MAP3K7CL: variants seen among roughly 807,000 people sequenced by gnomAD.
MAP3K7CL encodes MAP3K7 C-terminal-like protein.
A neutral mutation model predicts 18.6 loss-of-function variants in MAP3K7CL; 16 were observed. The observed-to-expected ratio is 0.86, with a 90% confidence interval of 0.58 to 1.31. The LOEUF is 1.31. MAP3K7CL is among the 50% of genes most tolerant of loss of function. The pLI, the probability that MAP3K7CL is intolerant of heterozygous loss-of-function variation, is 0.00. For missense variants in MAP3K7CL, 163 were observed against 174.4 expected, an observed-to-expected ratio of 0.93 and a Z score of 0.37; for synonymous variants, 65 against 66.8, an observed-to-expected ratio of 0.97 and a Z score of 0.13.
chr21:29,161,350 A>T lies in MAP3K7CL; in HGVS notation c.248+1294A>T, dbSNP rs116086786. ...TTTTTTTTACAGATGGGATCTTGTT[A>T]TCTTGCCCAGGCTTGTCTCAAACTT... On this transcript the variant is annotated intron_variant, in intron 4 of 4. Coordinates refer to ENST00000399928, the MANE Select transcript of MAP3K7CL (RefSeq NM_001286620.2). Among the ~76,000 whole-genome samples, 1,302 of 152,172 alleles carry T rather than the reference A, an allele frequency of 8.6e-3. 21 individuals are homozygous for T. Among genetic ancestry groups the T allele is most frequent in the African/African-American group, 0.03 (1,226 of 41,522 alleles).
rs769422823 is a variant in MAP3K7CL, at chr21:29,133,364, T to A, written c.20T>A (p.Val7Glu). The change falls in exon 2 of 5, where the codon GTA (valine) becomes GAA (glutamate). Residue 7 changes from valine to glutamate, a missense_variant. Transcript: ENST00000399928. The part of the protein sequence containing the change: MISTAR[V>E]PADKPVRIAF... ...GCCCACATGATCAGCACAGCCAGGG[T>A]ACCTGCTGACAAGCCTGTACGCATC... The A allele has an allele frequency of 1.3e-6, 2 of 1,550,322 alleles. No homozygotes were observed.
At chr21:29,138,180 T>C (rs1308847027) in intron 2 of MAP3K7CL, among the ~76,000 whole-genome samples, 3 of 152,180 alleles carry the variant, frequency 2.0e-5, no homozygotes, top group Non-Finnish European at 4.4e-5. Flanking sequence ...CAAATATATA[T>C]ATATTCCTTG....
At chr21:29,128,618 C>T (rs569994598), upstream of MAP3K7CL, among the ~76,000 whole-genome samples, 57 of 152,222 alleles carry the variant, frequency 3.7e-4, no homozygotes, top group Middle Eastern at 6.8e-3. Flanking sequence ...ATCTTTGATA[C>T]GGAGTGCATC....
chr21:29,163,780 C>T (rs751460973), intron 4 of MAP3K7CL, among the ~76,000 whole-genome samples: 49 of 150,770 alleles, frequency 3.2e-4, no homozygotes, highest in Non-Finnish European at 1.0e-4. Flanking sequence ...ACTGCAGCCT[C>T]AACCCCCTGA....
At chr21:29,162,252 A>T (rs1471978710) in intron 4 of MAP3K7CL, among the ~76,000 whole-genome samples, 1 of 151,910 alleles carries the variant, frequency 6.6e-6, no homozygotes, top group Non-Finnish European at 1.5e-5. Flanking sequence ...CTCTATTTAT[A>T]AACTCTTCAG....
chr21:29,112,361 G>A (rs987661855), intron 4 of MAP3K7CL, among the ~76,000 whole-genome samples: 3 of 152,060 alleles, frequency 2.0e-5, no homozygotes, highest in Admixed American at 6.5e-5. Context: ...TGGAAGGACT[G>A]AAATTAGATG....
intron 3 of MAP3K7CL, among the ~76,000 whole-genome samples, chr21:29,158,491 C>T (rs980267077): frequency 1.3e-5 from 2 of 152,118 alleles, no homozygotes; most frequent in African/African-American, 2.4e-5. Flanking sequence ...GTAAATTTGA[C>T]CTAAATCTAT....
chr21:29,145,734 T>G (rs1474934886), intron 2 of MAP3K7CL: 2 of 152,200 alleles, frequency 1.3e-5, no homozygotes, highest in Non-Finnish European at 2.9e-5. Flanking sequence ...TGTCTTTGGT[T>G]TTCTTGTTTC....
Position 29,174,733 on chromosome 21 carries a change from A to T in MAP3K7CL, c.270A>T (p.Leu90Phe). Residue 90 changes from leucine (L) to phenylalanine (F), a missense_variant, in exon 5 of 5, where the codon TTA (leucine) becomes TTT (phenylalanine). Coordinates refer to ENST00000399928, the MANE Select transcript of MAP3K7CL (RefSeq NM_001286620.2). Reference sequence around the variant, plus strand: ...TCAGGAAGGAGCTCATTGCCAAGTTAGATCAGGCAGAAAAGGAGAAGGTGG... The same window carrying T: ...TCAGGAAGGAGCTCATTGCCAAGTTTGATCAGGCAGAAAAGGAGAAGGTGG... ...EQRKKELIAK[L>F]DQAEKEKVDA... 3.1e-6 allele frequency: 5 copies of T among 1,614,150 alleles called. No individual in the cohort carries two copies. Among genetic ancestry groups the T allele is most frequent in the Non-Finnish European group, 4.2e-6 (5 of 1,180,004 alleles).
chr21:29,139,154 G>A (rs531672211), intron 2 of MAP3K7CL: 3 of 152,290 alleles, frequency 2.0e-5, no homozygotes, highest in Non-Finnish European at 4.4e-5. Context: ...TGGAGTAGTT[G>A]CAATAGCTAC....
upstream of MAP3K7CL, among the ~76,000 whole-genome samples, chr21:29,125,842 A>C (rs979180766): frequency 2.0e-5 from 3 of 152,216 alleles, no homozygotes; most frequent in Non-Finnish European, 2.9e-5. Context: ...GAGCAATGGC[A>C]CAAGACCAGC....
At chr21:29,111,013 T>G (rs2086409905) in intron 4 of MAP3K7CL, among the ~76,000 whole-genome samples, 1 of 151,986 alleles carries the variant, frequency 6.6e-6, no homozygotes, top group Non-Finnish European at 1.5e-5. Context: ...TCCCAGCACT[T>G]TGGGAGGCTG....
At chr21:29,140,672 G>A (rs1568957816) in intron 2 of MAP3K7CL, among the ~76,000 whole-genome samples, 1 of 152,200 alleles carries the variant, frequency 6.6e-6, no homozygotes, top group Non-Finnish European at 1.5e-5. Flanking sequence ...GGTTGATGGA[G>A]GAAGGTTACT....
chr21:29,122,766 G>A (rs751018195), intron 4 of MAP3K7CL, among the ~76,000 whole-genome samples: 2 of 152,150 alleles, frequency 1.3e-5, no homozygotes, highest in South Asian at 2.1e-4. Flanking sequence ...GGCAACATTC[G>A]GGTGGGAAAT....
intron 4 of MAP3K7CL, among the ~76,000 whole-genome samples, chr21:29,123,052 G>T (rs35766920): frequency 0.88 from 113,256 of 128,658 alleles, 48,950 homozygotes; most frequent in African/African-American, 0.94. Context: ...GAGAAGAAAT[G>T]ATCTTTTTTT....
intron 3 of MAP3K7CL, among the ~76,000 whole-genome samples, chr21:29,151,305 A>G (rs1055946224): frequency 2.6e-5 from 4 of 151,628 alleles, no homozygotes; most frequent in Admixed American, 2.6e-4. Context: ...AAAAATACAA[A>G]AATTAGCCAG....
intron 4 of MAP3K7CL, among the ~76,000 whole-genome samples, chr21:29,161,296 A>G (rs2087542529): frequency 6.6e-6 from 1 of 152,156 alleles, no homozygotes; most frequent in Non-Finnish European, 1.5e-5. Context: ...TGGGCAACAG[A>G]GTGAGACTCT....
At chr21:29,145,038 A>G (rs1309671463) in intron 2 of MAP3K7CL, among the ~76,000 whole-genome samples, 1 of 152,160 alleles carries the variant, frequency 6.6e-6, no homozygotes, top group Non-Finnish European at 1.5e-5. Flanking sequence ...TCTTTCCTTT[A>G]TATTTCATCC....
chr21:29,151,016 C>T (rs1330059362), intron 3 of MAP3K7CL, among the ~76,000 whole-genome samples: 4 of 151,462 alleles, frequency 2.6e-5, no homozygotes, highest in South Asian at 2.1e-4. Context: ...GTGATCCGCC[C>T]GCCTCAGCCT....
Sources: gnomAD v4.1 joint callset for allele counts (sites outside exome capture counted in the v4.1 genomes callset) on GRCh38, gnomAD v4.1.1 for gene constraint, MANE v1.5 for transcripts, NCBI Gene and HGNC (gene_info 2026-07-23, HGNC 2026-07-21) for gene names.